Variants in TUSC3 observed in about 807,000 individuals in gnomAD.
TUSC3 encodes the protein tumor suppressor candidate 3.
In TUSC3, 45 loss-of-function variants were observed where a neutral mutation model predicts 44.8. The observed-to-expected ratio is 1.00, with a 90% confidence interval of 0.79 to 1.29. The LOEUF (loss-of-function observed/expected upper bound fraction) is 1.29. Ranked by LOEUF, TUSC3 falls within the 50% of genes most tolerant of loss-of-function variation. The pLI, the probability that TUSC3 is intolerant of heterozygous loss-of-function variation, is 0.00. For synonymous variants in TUSC3, 212 were observed against 152.9 expected, an observed-to-expected ratio of 1.39 and a Z score of -2.85; for missense variants, 519 against 437.9, an observed-to-expected ratio of 1.19 and a Z score of -1.65.
intron 2 of TUSC3, among the ~76,000 whole-genome samples, chr8:15,523,343 A>G (rs1159282002): frequency 6.6e-6 from 1 of 152,098 alleles, no homozygotes; most frequent in Non-Finnish European, 1.5e-5. Context: ...TGAGAGCGCT[A>G]TAATGGAGGT....
intron 6 of TUSC3, among the ~76,000 whole-genome samples, chr8:15,719,512 CACACCA>C (rs1375763237): frequency 7.7e-5 from 3 of 38,940 alleles, no homozygotes; most frequent in African/African-American, 3.5e-4. Flanking sequence ...CACACACACA[CACACCA>C]CACACACACA....
intron 1 of TUSC3, among the ~76,000 whole-genome samples, chr8:15,465,338 C>G (rs1423160179): frequency 6.6e-6 from 1 of 152,084 alleles, no homozygotes; most frequent in Non-Finnish European, 1.5e-5. Context: ...ACTTACATGT[C>G]TCAAATTTAG....
At chr8:15,722,173 G>T (rs566206746) in intron 6 of TUSC3, among the ~76,000 whole-genome samples, 1 of 151,676 alleles carries the variant, frequency 6.6e-6, no homozygotes, top group East Asian at 1.9e-4. Context: ...GACTTTCTAC[G>T]GAGGGGCAGC....
chr8:15,562,948 A>G (rs1802533604), intron 1 of TUSC3, among the ~76,000 whole-genome samples: 1 of 152,154 alleles, frequency 6.6e-6, no homozygotes, highest in Non-Finnish European at 1.5e-5. Flanking sequence ...ATAAGGTAAC[A>G]TAATTGTGGG....
intron 2 of TUSC3, among the ~76,000 whole-genome samples, chr8:15,496,653 A>G (rs1432461741): frequency 6.6e-6 from 1 of 152,148 alleles, no homozygotes; most frequent in Non-Finnish European, 1.5e-5. Context: ...AGTGGGGAGT[A>G]GGAACAGACC....
chr8:15,630,138 A>G (rs867169042), intron 2 of TUSC3, among the ~76,000 whole-genome samples: 21 of 152,282 alleles, frequency 1.4e-4, no homozygotes, highest in African/African-American at 5.1e-4. Context: ...AGTACGAAAT[A>G]TCCTCATGGA....
chr8:15,503,311 T>C (rs1800994679), intron 2 of TUSC3, among the ~76,000 whole-genome samples: 1 of 152,024 alleles, frequency 6.6e-6, no homozygotes, highest in South Asian at 2.1e-4. Context: ...GCCTCCTGTA[T>C]CTTAGACTTG....
chr8:15,493,155 C>G (rs1800832625), intron 2 of TUSC3, among the ~76,000 whole-genome samples: 1 of 152,124 alleles, frequency 6.6e-6, no homozygotes, highest in Admixed American at 6.5e-5. Context: ...AGTAACTTAT[C>G]CAAAGTGACA....
At chr8:15,743,473 G>C in intron 7 of TUSC3, 65 bp from the exon 8 acceptor site, 1 of 1,541,816 alleles carries the variant, frequency 6.5e-7, no homozygotes, top group South Asian at 1.1e-5. Flanking sequence ...ATTGTGTTCA[G>C]AGCCAGAAAA....
intron 2 of TUSC3, among the ~76,000 whole-genome samples, chr8:15,530,521 G>A (rs935215814): frequency 6.6e-6 from 1 of 152,272 alleles, no homozygotes; most frequent in African/African-American, 2.4e-5. Context: ...GCACAGAGAT[G>A]TGAAATAATC....
At chr8:15,463,960 G>A (rs1268274499) in intron 1 of TUSC3, among the ~76,000 whole-genome samples, 1 of 152,092 alleles carries the variant, frequency 6.6e-6, no homozygotes, top group Non-Finnish European at 1.5e-5. Flanking sequence ...AGCATTCCTT[G>A]ACTACAGTTT....
At chr8:15,549,806 T>C (rs1801994122) in intron 1 of TUSC3, among the ~76,000 whole-genome samples, 1 of 151,598 alleles carries the variant, frequency 6.6e-6, no homozygotes, top group South Asian at 2.1e-4. Context: ...TGAGGAAGGA[T>C]GGCTGAATCA....
chr8:15,809,979 A>G, the TUSC3 span, among the ~76,000 whole-genome samples: 1 of 152,238 alleles, frequency 6.6e-6, no homozygotes, highest in Non-Finnish European at 1.5e-5. Flanking sequence ...TGCAAGTTCC[A>G]GTTAAATAGT....
At chr8:15,487,994 A>T (rs1036019104) in intron 2 of TUSC3, among the ~76,000 whole-genome samples, 2 of 151,568 alleles carry the variant, frequency 1.3e-5, no homozygotes, top group Non-Finnish European at 2.9e-5. Flanking sequence ...TCTATTCCTT[A>T]ATCTAATATA....
intron 9 of TUSC3, among the ~76,000 whole-genome samples, chr8:15,755,798 A>T (rs751201365): frequency 1.2e-4 from 18 of 152,146 alleles, no homozygotes; most frequent in Non-Finnish European, 2.5e-4. Context: ...AGTAGTAGCA[A>T]TGAATTCATT....
chr8:15,444,325 A>G (rs149694291), intron 1 of TUSC3, among the ~76,000 whole-genome samples: 32 of 152,288 alleles, frequency 2.1e-4, no homozygotes, highest in African/African-American at 7.0e-4. Flanking sequence ...GACTACTGCA[A>G]TGAGCTTTTG....
chr8:15,506,514 T>C (rs1801052011), intron 2 of TUSC3, among the ~76,000 whole-genome samples: 1 of 152,186 alleles, frequency 6.6e-6, no homozygotes, highest in South Asian at 2.1e-4. Flanking sequence ...CTGGGTAATT[T>C]GTAAAGAAAA....
chr8:15,680,604 C>G, intron 6 of TUSC3, among the ~76,000 whole-genome samples: 1 of 152,164 alleles, frequency 6.6e-6, no homozygotes. Context: ...TTGTTGCTCT[C>G]ATGAAGACTT....
At chr8:15,849,123 G>C in the TUSC3 span, among the ~76,000 whole-genome samples, 2 of 152,042 alleles carry the variant, frequency 1.3e-5, no homozygotes, top group Non-Finnish European at 2.9e-5. Flanking sequence ...AAAAATCAAA[G>C]ATACTACATT....
Sources: gnomAD v4.1 joint callset for allele counts (sites outside exome capture counted in the v4.1 genomes callset) on GRCh38, gnomAD v4.1.1 for gene constraint, MANE v1.5 for transcripts, NCBI Gene and HGNC (gene_info 2026-07-23, HGNC 2026-07-21) for gene names.